The following GALNT10 variants were observed in gnomAD, a reference collection of about 807,000 sequenced individuals.
The protein encoded by GALNT10 is polypeptide N-acetylgalactosaminyltransferase 10, also known as GalNAc transferase 10.
A neutral mutation model predicts 75.0 loss-of-function variants in GALNT10; 41 were observed. That is an observed-to-expected ratio of 0.55 (90% CI 0.43 to 0.71). The LOEUF (loss-of-function observed/expected upper bound fraction) is 0.71. Among genes scored for constraint, GALNT10 ranks in the 30% least tolerant of loss-of-function variants. GALNT10 has a pLI of 0.00. For synonymous variants in GALNT10, 302 were observed against 313.0 expected, an observed-to-expected ratio of 0.96 and a Z score of 0.37; for missense variants, 727 against 818.5, an observed-to-expected ratio of 0.89 and a Z score of 1.36.
intron 4 of GALNT10, among the ~76,000 whole-genome samples, chr5:154,357,518 C>G (rs1755314002): frequency 6.6e-6 from 1 of 152,148 alleles, no homozygotes; most frequent in Non-Finnish European, 1.5e-5. Flanking sequence ...AAACTTCTGG[C>G]TTTGAAGAGT....
At chr5:154,362,992 C>G (rs1029723219) in intron 4 of GALNT10, among the ~76,000 whole-genome samples, 8 of 152,224 alleles carry the variant, frequency 5.3e-5, no homozygotes, top group Admixed American at 1.3e-4. Context: ...CAGAAGAACT[C>G]TCTCCCAACC....
rs1753149933 is a variant in GALNT10 at position 154,231,545 on chromosome 5, T to C, written c.159+40520T>C. Among the ~76,000 whole-genome samples, 3 of 152,328 alleles carry C rather than the reference T, an allele frequency of 2.0e-5. No homozygotes were observed. The South Asian group carries it at 6.2e-4, about 32-fold the overall frequency. On this transcript the variant is annotated intron_variant, in intron 1 of 11. Transcript: ENST00000297107. The stretch of plus-strand genomic sequence containing the variant: ...GGGTTTTGGTTTATTTTTGATTTTA[T>C]TTTTTACCATGCTCAAACCCCTGTC...
At position 154,195,406 on chromosome 5, in the gene GALNT10, G is replaced by A. The variant is rs553787160; in HGVS notation, c.159+4381G>A. 4.6e-5 allele frequency among the ~76,000 whole-genome samples: 7 copies of A among 152,326 alleles called. No homozygotes were observed. In the South Asian group the frequency reaches 1.5e-3, roughly 32 times the overall value. On this transcript the variant is annotated intron_variant, in intron 1 of 11. Transcript: ENST00000297107. ...TTTCTCCTCATGCGCAGTGGAGTGGGGAAAGGAGGTAGCGCATATACACCT... is the reference window on the plus strand; with the variant it reads ...TTTCTCCTCATGCGCAGTGGAGTGGAGAAAGGAGGTAGCGCATATACACCT...
intron 8 of GALNT10, among the ~76,000 whole-genome samples, chr5:154,406,439 T>C (rs1756282795): frequency 6.6e-6 from 1 of 152,220 alleles, no homozygotes; most frequent in Admixed American, 6.5e-5. Context: ...GATGCCTGAA[T>C]CAGGTGCGGC....
In GALNT10 at chr5:154,411,798, C is replaced by T. The variant is rs140581027; in HGVS notation, c.1387-1091C>T. ...GCAGATGCCACAGTGGGATTAGACA[C>T]GCAAGAGATTTATGGTTAAAACACT... is the stretch of plus-strand genomic sequence containing the variant. On this transcript the variant is annotated intron_variant, in intron 9 of 11. Coordinates refer to ENST00000297107, the MANE Select transcript of GALNT10 (RefSeq NM_198321.4). 6.1e-4 allele frequency among the ~76,000 whole-genome samples: 93 copies of T among 152,218 alleles called. 1 individual carries two copies. The East Asian group carries it at 0.014, about 23-fold the overall frequency.
chr5:154,217,293 G>A (rs1752890090), intron 1 of GALNT10, among the ~76,000 whole-genome samples: 2 of 152,274 alleles, frequency 1.3e-5, no homozygotes, highest in East Asian at 3.9e-4. Context: ...TGCCCTCTGA[G>A]AGATGCCCAT....
chr5:154,267,380 A>G (rs1753795509), intron 1 of GALNT10, among the ~76,000 whole-genome samples: 2 of 152,144 alleles, frequency 1.3e-5, no homozygotes, highest in South Asian at 4.1e-4. Flanking sequence ...ATGCCTCTTG[A>G]ATTGAATTCG....
chr5:154,299,569 G>C (rs1754331142), intron 3 of GALNT10, among the ~76,000 whole-genome samples: 1 of 152,194 alleles, frequency 6.6e-6, no homozygotes. Flanking sequence ...AGAATGCAGT[G>C]CTAAAGACTT....
intron 8 of GALNT10, among the ~76,000 whole-genome samples, chr5:154,408,023 A>T (rs1210037325): frequency 1.3e-5 from 2 of 152,160 alleles, no homozygotes; most frequent in Non-Finnish European, 2.9e-5. Context: ...TTACATTTTT[A>T]AATCATTAGA....
intron 4 of GALNT10, among the ~76,000 whole-genome samples, chr5:154,347,881 AT>A (rs897369505): frequency 4.5e-4 from 69 of 152,280 alleles, no homozygotes; most frequent in African/African-American, 1.7e-3. Context: ...ATAGAGTCTG[AT>A]TTTCTTTCCC....
In GALNT10 at chr5:154,416,885, G is replaced by C; in HGVS notation, c.1725G>C (p.Met575Ile). The part of the protein sequence containing the change: ...DCSESDHRIF[M>I]NTCNPSSLTQ... ...GTGAAAGTGACCATAGGATCTTCAT[G>C]AACACCTGCAACCCATCCTCTCTCA... Residue 575 changes from methionine (M) to isoleucine (I), a missense_variant, in exon 12 of 12, where the codon ATG (methionine) becomes ATC (isoleucine). Coordinates refer to ENST00000297107, the MANE Select transcript of GALNT10 (RefSeq NM_198321.4). This position sits in a 1 kb window ranked among gnomAD's most constrained non-coding sequence, Gnocchi z 4.5. The C allele has an allele frequency of 6.2e-7, 1 of 1,613,288 alleles. No homozygotes were observed. Among genetic ancestry groups the C allele is most frequent in the Non-Finnish European group, 8.5e-7 (1 of 1,179,210 alleles).
intron 3 of GALNT10, among the ~76,000 whole-genome samples, chr5:154,300,440 T>G (rs1305161176): frequency 6.6e-6 from 1 of 152,192 alleles, no homozygotes; most frequent in Non-Finnish European, 1.5e-5. Flanking sequence ...CCCAGACCAC[T>G]GAAATCTGAA....
At chr5:154,218,610 GTTTCTC>G (rs1286234445) in intron 1 of GALNT10, among the ~76,000 whole-genome samples, 1 of 152,188 alleles carries the variant, frequency 6.6e-6, no homozygotes, top group Non-Finnish European at 1.5e-5. Flanking sequence ...CATGAGTGGT[GTTTCTC>G]TTCTGAGCCA....
rs138007001 is a variant in GALNT10, at chr5:154,329,719, C to T, written c.549C>T (p.Val183=). 1.4e-5 allele frequency: 23 copies of T among 1,613,204 alleles called. No individual in the cohort carries two copies. The highest frequency in any genetic ancestry group is 3.3e-4 in the Middle Eastern group (2 of 6,084). ...PPELVAEIVL[V]DDFSDREHLK... ...AGCTGGTCGCCGAGATTGTACTGGT[C>T]GACGACTTCAGTGATCGAGGTAGGA... is the stretch of plus-strand genomic sequence containing the variant. The change falls in exon 4 of 12, where the codon GTC becomes GTT. Residue 183 remains valine (V), a synonymous_variant. Transcript: ENST00000297107.
intron 1 of GALNT10, chr5:154,220,191 A>T (rs1439443959): frequency 6.6e-6 from 1 of 152,228 alleles, no homozygotes; most frequent in East Asian, 1.9e-4. Context: ...AGAGAAGATG[A>T]ATTATCCTGT....
chr5:154,323,652 G>A (rs1383129686), intron 3 of GALNT10, among the ~76,000 whole-genome samples: 3 of 152,218 alleles, frequency 2.0e-5, no homozygotes, highest in Non-Finnish European at 1.5e-5. Flanking sequence ...GCTCATATTC[G>A]AGGAACCAAG....
intron 1 of GALNT10, among the ~76,000 whole-genome samples, chr5:154,230,017 T>A (rs971388337): frequency 6.7e-6 from 1 of 149,678 alleles, no homozygotes; most frequent in African/African-American, 2.4e-5. Flanking sequence ...CAAGTCTCAC[T>A]CTCAAGGGAT....
At chr5:154,275,438 G>C (rs1254532475) in intron 1 of GALNT10, among the ~76,000 whole-genome samples, 2 of 152,180 alleles carry the variant, frequency 1.3e-5, no homozygotes, top group Admixed American at 6.5e-5. Flanking sequence ...ATGCTGTCAG[G>C]CTCGTGTGGT....
At chr5:154,333,240 C>T (rs577270322) in intron 4 of GALNT10, among the ~76,000 whole-genome samples, 2 of 152,242 alleles carry the variant, frequency 1.3e-5, no homozygotes, top group African/African-American at 4.8e-5. Context: ...AGCCCGAGGC[C>T]TGGAGCAGTA....
Sources: allele counts gnomAD v4.1 joint callset (sites outside exome capture counted in the v4.1 genomes callset), GRCh38; gene constraint gnomAD v4.1.1; non-coding constraint Gnocchi (gnomAD v3.1); transcripts MANE v1.5; gene names NCBI Gene and HGNC (gene_info 2026-07-23, HGNC 2026-07-21).